MBNL2: variants seen among roughly 807,000 people sequenced by gnomAD.
The protein encoded by MBNL2 is muscleblind-like protein 2.
In MBNL2, 17 loss-of-function variants were observed where a neutral mutation model predicts 41.9. The observed-to-expected ratio is 0.41, with a 90% confidence interval of 0.28 to 0.61. The LOEUF is 0.61. Among genes scored for constraint, MBNL2 ranks in the 20% least tolerant of loss-of-function variants. The pLI is 0.35. For synonymous variants in MBNL2, 195 were observed against 182.9 expected (o/e 1.07, Z -0.53); for missense variants, 336 against 505.6 (o/e 0.66, Z 3.22).
At chr13:97,241,388 T>A (rs1016031579) in intron 1 of MBNL2, among the ~76,000 whole-genome samples, 10 of 152,118 alleles carry the variant, frequency 6.6e-5, no homozygotes, top group African/African-American at 1.4e-4. Context: ...AACAGAAACG[T>A]GAAAAAAATT....
chr13:97,251,834 CTTTTTTTTTTTTTT>C (rs869034692), intron 1 of MBNL2, among the ~76,000 whole-genome samples: 23 of 69,600 alleles, frequency 3.3e-4, no homozygotes, highest in African/African-American at 1.2e-3. Flanking sequence ...ATCCTCAATT[CTTTTTTTTTTTTTT>C]TTTTTTTTTT....
At chr13:97,327,560 TAAAAAAAAAAA>T (rs71922683) in intron 2 of MBNL2, among the ~76,000 whole-genome samples, 6 of 90,774 alleles carry the variant, frequency 6.6e-5, no homozygotes, top group African/African-American at 3.0e-4. Flanking sequence ...ACGTTATTTG[TAAAAAAAAAAA>T]AAAAAAAAAA....
In MBNL2 at chr13:97,314,186, A is replaced by G. The variant is rs530555510; in HGVS notation, c.175-20090A>G. Among the ~76,000 whole-genome samples the G allele has an allele frequency of 5.3e-5, 8 of 152,206 alleles. No homozygotes were observed. The South Asian group carries it at 1.7e-3, about 32-fold the overall frequency. On this transcript the variant is annotated intron_variant, in intron 2 of 8. Transcript: ENST00000679496. ...ACACTGACCTGGTTGCTATTCCCAGAATATTCTAGGCATGCTCCTGCCTCA... is the reference window on the plus strand; with the variant it reads ...ACACTGACCTGGTTGCTATTCCCAGGATATTCTAGGCATGCTCCTGCCTCA...
chr13:97,237,016 C>T (rs548664849), intron 1 of MBNL2, among the ~76,000 whole-genome samples: 68 of 152,028 alleles, frequency 4.5e-4, no homozygotes, highest in Middle Eastern at 3.4e-3. Context: ...CCTTTTCTGG[C>T]GGTGTAGCCC....
intron 2 of MBNL2, among the ~76,000 whole-genome samples, chr13:97,308,053 A>T (rs760378317): frequency 6.6e-6 from 1 of 152,228 alleles, no homozygotes; most frequent in Non-Finnish European, 1.5e-5. Flanking sequence ...CTATTATAAT[A>T]AAAGGGATTA....
At chr13:97,312,069 A>G (rs979786335) in intron 2 of MBNL2, among the ~76,000 whole-genome samples, 3 of 152,236 alleles carry the variant, frequency 2.0e-5, no homozygotes, top group Admixed American at 6.5e-5. Context: ...AAAACTTCAA[A>G]TCCCCATGGC....
chr13:97,346,623 C>A lies in MBNL2; in HGVS notation c.541-181C>A, dbSNP rs1384074492. On this transcript the variant is annotated intron_variant, in intron 4 of 8. Coordinates refer to ENST00000679496, the MANE Select transcript of MBNL2 (RefSeq NM_001382683.1). The surrounding 1 kb of genome is among the most constrained non-coding windows in gnomAD (Gnocchi z 4.2). ...CTAGAAAAGGCGGTAAAACAAAACT[C>A]AAATGACTGTGTCAGAGATTGTGGT... Among the ~76,000 whole-genome samples the A allele has an allele frequency of 6.6e-6, 1 of 152,202 alleles. No homozygotes were observed. Among genetic ancestry groups the A allele is most frequent in the Non-Finnish European group, 1.5e-5 (1 of 68,028 alleles).
intron 1 of MBNL2, among the ~76,000 whole-genome samples, chr13:97,261,474 C>G (rs1280289053): frequency 6.6e-6 from 1 of 152,184 alleles, no homozygotes; most frequent in Non-Finnish European, 1.5e-5. Context: ...GTCCCATCTC[C>G]AAGACCTTGA....
chr13:97,333,618 A>G (rs2060604615), intron 2 of MBNL2, among the ~76,000 whole-genome samples: 2 of 152,130 alleles, frequency 1.3e-5, no homozygotes, highest in Non-Finnish European at 2.9e-5. Flanking sequence ...AGAAATGTCC[A>G]CCCCTGCACA....
Position 97,346,101 on chromosome 13 carries a change from TGATA to T in MBNL2, c.541-699_541-696del, listed in dbSNP as rs950545656. On this transcript the variant is annotated intron_variant, in intron 4 of 8. Coordinates refer to ENST00000679496, the MANE Select transcript of MBNL2 (RefSeq NM_001382683.1). The surrounding 1 kb of genome is among the most constrained non-coding windows in gnomAD (Gnocchi z 4.2). ...GATGATGGATGGCTGGATGGATAGA[TGATA>T]GATGGATGAATGAATGGCTGGCTGG... is the stretch of plus-strand genomic sequence containing the variant. Among the ~76,000 whole-genome samples the T allele has an allele frequency of 5.9e-5, 9 of 152,096 alleles. No homozygotes were observed. Among genetic ancestry groups the T allele is most frequent in the African/African-American group, 1.2e-4 (5 of 41,394 alleles).
intron 5 of MBNL2, among the ~76,000 whole-genome samples, chr13:97,353,474 C>T (rs1282456526): frequency 6.6e-6 from 1 of 152,146 alleles, no homozygotes; most frequent in Non-Finnish European, 1.5e-5. Flanking sequence ...ATTCCATTCG[C>T]CTGACTTCCA....
At chr13:97,269,968 T>G (rs563515124) in intron 1 of MBNL2, among the ~76,000 whole-genome samples, 3 of 152,346 alleles carry the variant, frequency 2.0e-5, no homozygotes, top group South Asian at 2.1e-4. Context: ...TACTTTTATA[T>G]TTCCACTATA....
chr13:97,256,363 T>A (rs888048802), intron 1 of MBNL2, among the ~76,000 whole-genome samples: 46 of 152,150 alleles, frequency 3.0e-4, no homozygotes, highest in Middle Eastern at 6.8e-3. Flanking sequence ...TTTTTTTTTT[T>A]AAATATTGGA....
chr13:97,373,397 G>GGA (rs144771391), intron 8 of MBNL2, among the ~76,000 whole-genome samples: 4 of 150,884 alleles, frequency 2.7e-5, no homozygotes, highest in South Asian at 2.1e-4. Context: ...AGAGAAGGCA[G>GGA]GAGAGAGAGA....
the MBNL2 span, among the ~76,000 whole-genome samples, chr13:97,210,644 G>A: frequency 8.3e-5 from 10 of 121,152 alleles, no homozygotes; most frequent in Non-Finnish European, 1.1e-4. Context: ...CCAGGCTGGA[G>A]TGCAGTGGTG....
chr13:97,254,044 C>T (rs1346483566), intron 1 of MBNL2, among the ~76,000 whole-genome samples: 1 of 152,144 alleles, frequency 6.6e-6, no homozygotes, highest in Non-Finnish European at 1.5e-5. Flanking sequence ...CACGCACCAC[C>T]ATGCCCAACT....
At chr13:97,248,491 T>C (rs1386764152) in intron 1 of MBNL2, among the ~76,000 whole-genome samples, 1 of 152,214 alleles carries the variant, frequency 6.6e-6, no homozygotes, top group East Asian at 1.9e-4. Context: ...AATAGCTTAG[T>C]TGGTTAAAGC....
the MBNL2 span, among the ~76,000 whole-genome samples, chr13:97,148,470 T>C: frequency 2.0e-5 from 3 of 152,168 alleles, no homozygotes; most frequent in Non-Finnish European, 4.4e-5. Flanking sequence ...TGGGTGATAA[T>C]GATGTGTCAA....
the MBNL2 span, among the ~76,000 whole-genome samples, chr13:97,162,175 A>G: frequency 0.1 from 15,743 of 152,168 alleles, 915 homozygotes; most frequent in South Asian, 0.16. Flanking sequence ...GCACCAAGGG[A>G]GAAATGCGCC....
Sources: allele counts gnomAD v4.1 joint callset (sites outside exome capture counted in the v4.1 genomes callset), GRCh38; gene constraint gnomAD v4.1.1; non-coding constraint Gnocchi (gnomAD v3.1); transcripts MANE v1.5; gene names NCBI Gene and HGNC (gene_info 2026-07-23, HGNC 2026-07-21).